MGST1: variants seen among roughly 807,000 people sequenced by gnomAD.
The protein encoded by MGST1 is glutathione S-transferase 12.
Under a neutral mutation model 8.9 loss-of-function variants are expected in MGST1, and 5 were observed. The ratio of observed to expected loss-of-function variants is 0.56; its 90% confidence interval spans 0.29 to 1.19. The LOEUF (loss-of-function observed/expected upper bound fraction) is 1.19, where lower values mean the gene tolerates loss of function less well. Among genes scored for constraint, MGST1 ranks in the 50% most tolerant of loss-of-function variants. The pLI, the probability that MGST1 is intolerant of heterozygous loss-of-function variation, is 0.08. For missense variants in MGST1, 182 were observed against 187.4 expected, an observed-to-expected ratio of 0.97 and a Z score of 0.17; for synonymous variants, 54 against 67.8, an observed-to-expected ratio of 0.80 and a Z score of 1.00.
intron 4 of MGST1, among the ~76,000 whole-genome samples, chr12:16,525,409 T>A (rs1183971869): frequency 1.3e-5 from 2 of 151,412 alleles, no homozygotes; most frequent in Non-Finnish European, 2.9e-5. Flanking sequence ...TTTTTTGTTC[T>A]TGCGATAGTT....
In MGST1 at chr12:16,585,469, T is replaced by C. The variant is rs1943290369; in HGVS notation, n.483-4059T>C. On this transcript the variant is annotated intron_variant and non_coding_transcript_variant, in intron 4 of 4. Transcript: ENST00000538857. The surrounding 1 kb of genome is among the most constrained non-coding windows in gnomAD (Gnocchi z 4.7). Reference sequence around the variant, plus strand: ...GTGAGCATAAATGTTGTTTCAAATATTGTTCCCAAATATTATTCAAATTCA... The same window carrying C: ...GTGAGCATAAATGTTGTTTCAAATACTGTTCCCAAATATTATTCAAATTCA... 2.0e-5 allele frequency among the ~76,000 whole-genome samples: 3 copies of C among 152,208 alleles called. No homozygotes were observed. The highest frequency in any genetic ancestry group is 2.1e-4 in the South Asian group (1 of 4,830).
chr12:16,387,944 G>A (rs187015001), intron 1 of MGST1, among the ~76,000 whole-genome samples: 1 of 151,782 alleles, frequency 6.6e-6, no homozygotes, highest in East Asian at 2.0e-4. Flanking sequence ...TGTAGCCTAA[G>A]AGCAATAGTC....
In MGST1 at chr12:16,537,341, T is replaced by G. The variant is rs977470833; in HGVS notation, n.483-52187T>G. Among the ~76,000 whole-genome samples the G allele has an allele frequency of 6.6e-5, 10 of 152,200 alleles. No individual in the cohort carries two copies. The highest frequency in any genetic ancestry group is 2.2e-4 in the African/African-American group (9 of 41,446). On this transcript the variant is annotated intron_variant and non_coding_transcript_variant, in intron 4 of 4. Coordinates refer to the MGST1 transcript ENST00000538857. The surrounding 1 kb of genome is among the most constrained non-coding windows in gnomAD (Gnocchi z 4.6). ...ATGGCTTTGCAGGGTACAGCCCCTC[T>G]CCTGGCTGCTTTCATGGGCTGGTTT... is the stretch of plus-strand genomic sequence containing the variant.
intron 4 of MGST1, among the ~76,000 whole-genome samples, chr12:16,577,965 G>T (rs1162451973): frequency 1.3e-5 from 2 of 152,056 alleles, no homozygotes; most frequent in Non-Finnish European, 1.5e-5. Context: ...GTTTACCTGG[G>T]TATCCTGTAT....
chr12:16,514,984 G>A (rs1941602642), intron 4 of MGST1, among the ~76,000 whole-genome samples: 1 of 152,120 alleles, frequency 6.6e-6, no homozygotes, highest in South Asian at 2.1e-4. Flanking sequence ...TATGCTATTG[G>A]AATATTTTAG....
In MGST1 at chr12:16,585,716, T is replaced by C. The variant is rs569892318; in HGVS notation, n.483-3812T>C. 1.1e-4 allele frequency among the ~76,000 whole-genome samples: 17 copies of C among 152,172 alleles called. No individual in the cohort carries two copies. The highest frequency in any genetic ancestry group is 4.1e-4 in the African/African-American group (17 of 41,524). ...CAGGTGATGTAAGCAGCTCCAAATA[T>C]AATAATAGAAAGGAAAATATGGGTG... On this transcript the variant is annotated intron_variant and non_coding_transcript_variant, in intron 4 of 4. Coordinates refer to the MGST1 transcript ENST00000538857. The surrounding 1 kb of genome is among the most constrained non-coding windows in gnomAD (Gnocchi z 4.7).
Position 16,401,704 on chromosome 12 carries a change from C to T in MGST1, n.778+18100C>T. On this transcript the variant is annotated intron_variant and non_coding_transcript_variant, in intron 1 of 1. Transcript: ENST00000359720. This position sits in a 1 kb window ranked among gnomAD's most constrained non-coding sequence, Gnocchi z 4.3. The stretch of plus-strand genomic sequence containing the variant: ...TGAATGATAGGAGGGTAACACATTT[C>T]CACAGTAGAAGGGTCTGCCCCAGCA... 22 of 1,603,406 alleles carry T rather than the reference C, an allele frequency of 1.4e-5. 1 individual carries two copies. In the South Asian group the frequency reaches 2.2e-4, roughly 16 times the overall value.
At chr12:16,411,776 T>C (rs1940744883) in intron 1 of MGST1, among the ~76,000 whole-genome samples, 1 of 152,222 alleles carries the variant, frequency 6.6e-6, no homozygotes, top group Admixed American at 6.5e-5. Context: ...ATTAGAATTG[T>C]ATTCTTTTTA....
chr12:16,365,479 G>A (rs1409488641), downstream of MGST1, among the ~76,000 whole-genome samples: 4 of 152,168 alleles, frequency 2.6e-5, no homozygotes, highest in African/African-American at 9.7e-5. Context: ...CAAGAGAAAA[G>A]TCACTGTGTT....
In MGST1 at chr12:16,547,406, C is replaced by G. The variant is rs1272141652; in HGVS notation, n.483-42122C>G. Among the ~76,000 whole-genome samples, 1 of 152,150 alleles carries G rather than the reference C, an allele frequency of 6.6e-6. No individual in the cohort carries two copies. The highest frequency in any genetic ancestry group is 1.5e-5 in the Non-Finnish European group (1 of 68,018). ...TGAGTAATTTGTGTGCGATAATTCT[C>G]TGAACACATTGATTACTTGAGATAT... is the stretch of plus-strand genomic sequence containing the variant. On this transcript the variant is annotated intron_variant and non_coding_transcript_variant, in intron 4 of 4. Coordinates refer to the MGST1 transcript ENST00000538857. This position sits in a 1 kb window ranked among gnomAD's most constrained non-coding sequence, Gnocchi z 4.6.
At chr12:16,470,893 C>T (rs1351351441) in intron 4 of MGST1, among the ~76,000 whole-genome samples, 1 of 152,122 alleles carries the variant, frequency 6.6e-6, no homozygotes. Flanking sequence ...AAAATTTCCA[C>T]CAACCTCCCT....
intron 1 of MGST1, among the ~76,000 whole-genome samples, chr12:16,412,626 G>A (rs576392756): frequency 1.3e-4 from 20 of 152,154 alleles, no homozygotes; most frequent in South Asian, 2.1e-4. Flanking sequence ...TAAATCATGC[G>A]GATGAGTTTT....
intron 4 of MGST1, among the ~76,000 whole-genome samples, chr12:16,455,424 A>C (rs1030717681): frequency 7.9e-5 from 12 of 151,882 alleles, no homozygotes; most frequent in African/African-American, 2.9e-4. Context: ...AAGAAATGTT[A>C]TAAGAAGGAA....
intron 1 of MGST1, chr12:16,400,182 C>G: frequency 2.7e-6 from 3 of 1,104,594 alleles, no homozygotes; most frequent in Non-Finnish European, 4.2e-6. Flanking sequence ...TCCCTAAGTC[C>G]GTGGTTGTCT....
In MGST1 at chr12:16,585,804, A is replaced by G. The variant is rs949503679; in HGVS notation, n.483-3724A>G. Among the ~76,000 whole-genome samples, 1 of 152,242 alleles carries G rather than the reference A, an allele frequency of 6.6e-6. No homozygotes were observed. Among genetic ancestry groups the G allele is most frequent in the African/African-American group, 2.4e-5 (1 of 41,470 alleles). ...TACTTCTAAACAATTGTTAGAAAGT[A>G]AATTTGATCTGGGCTTCCCAGGAAA... On this transcript the variant is annotated intron_variant and non_coding_transcript_variant, in intron 4 of 4. Coordinates refer to the MGST1 transcript ENST00000538857. The surrounding 1 kb of genome is among the most constrained non-coding windows in gnomAD (Gnocchi z 4.7).
At chr12:16,510,793 A>G (rs933499908) in intron 4 of MGST1, among the ~76,000 whole-genome samples, 2 of 152,200 alleles carry the variant, frequency 1.3e-5, no homozygotes, top group Non-Finnish European at 2.9e-5. Flanking sequence ...TCGAAGGATG[A>G]CTTAGTCAGG....
Position 16,482,494 on chromosome 12 carries a change from A to G in MGST1, n.482+98890A>G, listed in dbSNP as rs1220290040. ...AAAAATACAAAAATTAGCCAGGCGC[A>G]GTGGCAGGCGCCTGTAATCCTAGCT... On this transcript the variant is annotated intron_variant and non_coding_transcript_variant, in intron 4 of 4. Coordinates refer to the MGST1 transcript ENST00000538857. This position sits in a 1 kb window ranked among gnomAD's most constrained non-coding sequence, Gnocchi z 4.2. 2.0e-5 allele frequency among the ~76,000 whole-genome samples: 3 copies of G among 151,986 alleles called. No individual in the cohort carries two copies. The highest frequency in any genetic ancestry group is 4.4e-5 in the Non-Finnish European group (3 of 67,972).
rs573103059 is a variant in MGST1, at chr12:16,401,769, G to A, written n.778+18165G>A. 1 of 1,600,626 alleles carries A rather than the reference G, an allele frequency of 6.2e-7. No homozygotes were observed. The highest frequency in any genetic ancestry group is 1.1e-5 in the South Asian group (1 of 90,794). ...TTCAACGGCCTTTTCCACAGACTCA[G>A]CCAGTTTGCTGTGTCAAACTTTCTC... On this transcript the variant is annotated intron_variant and non_coding_transcript_variant, in intron 1 of 1. Coordinates refer to the MGST1 transcript ENST00000359720. The surrounding 1 kb of genome is among the most constrained non-coding windows in gnomAD (Gnocchi z 4.3).
rs557004130 is a variant in MGST1 at position 16,432,335 on chromosome 12, A to T, written n.779-5053A>T. Reference sequence around the variant, plus strand: ...ATTCCACCACAATCTCTTTGAAAGGAGTACCACTGAGAGTACAGTAGCTCC... The same window carrying T: ...ATTCCACCACAATCTCTTTGAAAGGTGTACCACTGAGAGTACAGTAGCTCC... On this transcript the variant is annotated intron_variant and non_coding_transcript_variant, in intron 1 of 1. Transcript: ENST00000359720. Among the ~76,000 whole-genome samples the T allele has an allele frequency of 1.1e-4, 16 of 152,246 alleles. No homozygotes were observed. In the East Asian group the frequency reaches 3.1e-3, roughly 30 times the overall value.
Sources: gnomAD v4.1 joint callset for allele counts (sites outside exome capture counted in the v4.1 genomes callset) on GRCh38, gnomAD v4.1.1 for gene constraint, Gnocchi (gnomAD v3.1) non-coding constraint, MANE v1.5 for transcripts, NCBI Gene and HGNC (gene_info 2026-07-23, HGNC 2026-07-21) for gene names.